SORCS1: variants seen among roughly 807,000 people sequenced by gnomAD.
SORCS1 encodes the protein sortilin related VPS10 domain containing receptor 1.
SORCS1 carries 60 observed loss-of-function variants against 146.1 expected under a neutral mutation model. The observed-to-expected ratio is 0.41, with a 90% CI of 0.33 to 0.51. The LOEUF is 0.51. SORCS1 is among the 20% of genes least tolerant of loss of function. The probability of loss-of-function intolerance (pLI) is 0.21; values close to 1 mark genes in which losing one functional copy is unlikely to be tolerated. For missense variants in SORCS1, 1,352 were observed against 1,487.6 expected (o/e 0.91, Z 1.50); for synonymous variants, 637 against 584.0 (o/e 1.09, Z -1.31).
At chr10:106,686,309 C>T (rs918503084) in intron 10 of SORCS1, among the ~76,000 whole-genome samples, 4 of 152,060 alleles carry the variant, frequency 2.6e-5, no homozygotes, top group African/African-American at 4.8e-5. Flanking sequence ...TCTGACACTG[C>T]GTTGGGGGTG....
chr10:107,046,690 G>A (rs1959486154), intron 1 of SORCS1, among the ~76,000 whole-genome samples: 1 of 152,130 alleles, frequency 6.6e-6, no homozygotes, highest in Non-Finnish European at 1.5e-5. Context: ...TCTGAAAAGA[G>A]GAAGGGCTTT....
At chr10:106,744,228 C>A (rs2136127430) in intron 5 of SORCS1, among the ~76,000 whole-genome samples, 1 of 152,284 alleles carries the variant, frequency 6.6e-6, no homozygotes, top group East Asian at 1.9e-4. Context: ...CCTCAGTCTC[C>A]CAAGTAGCTG....
At chr10:107,072,448 G>C (rs1217447690) in intron 1 of SORCS1, among the ~76,000 whole-genome samples, 2 of 152,112 alleles carry the variant, frequency 1.3e-5, no homozygotes, top group Admixed American at 1.3e-4. Flanking sequence ...CCTGCACTGA[G>C]CACTCCCTAT....
intron 1 of SORCS1, among the ~76,000 whole-genome samples, chr10:107,161,197 G>A (rs914176340): frequency 6.6e-6 from 1 of 152,186 alleles, no homozygotes; most frequent in African/African-American, 2.4e-5. Context: ...TTCCTCACCA[G>A]ATTGACAAGC....
intron 1 of SORCS1, among the ~76,000 whole-genome samples, chr10:107,065,136 G>C (rs1244829459): frequency 6.6e-6 from 1 of 152,198 alleles, no homozygotes; most frequent in Non-Finnish European, 1.5e-5. Context: ...AATTGATTGA[G>C]GGTGGGGGGA....
chr10:106,879,199 G>A (rs552470298), intron 2 of SORCS1, among the ~76,000 whole-genome samples: 1 of 151,360 alleles, frequency 6.6e-6, no homozygotes, highest in African/African-American at 2.4e-5. Flanking sequence ...GCAATGGTGA[G>A]CATGCCGTTT....
intron 1 of SORCS1, among the ~76,000 whole-genome samples, chr10:107,003,428 A>G (rs1202674018): frequency 6.9e-5 from 7 of 101,998 alleles, no homozygotes; most frequent in African/African-American, 1.8e-4. Context: ...AAATTCCCAT[A>G]AGTGTGTGTG....
intron 1 of SORCS1, among the ~76,000 whole-genome samples, chr10:107,034,588 G>A (rs1958804840): frequency 7.1e-6 from 1 of 140,960 alleles, no homozygotes; most frequent in East Asian, 2.2e-4. Flanking sequence ...GCTGAGGCAG[G>A]AGAATTGCTT....
At chr10:106,801,414 T>A (rs557147654) in intron 3 of SORCS1, among the ~76,000 whole-genome samples, 1 of 151,910 alleles carries the variant, frequency 6.6e-6, no homozygotes, top group African/African-American at 2.4e-5. Flanking sequence ...ATCACAGTAA[T>A]AGCAAACATT....
chr10:106,647,016 T>C (rs1458390528), intron 18 of SORCS1, among the ~76,000 whole-genome samples: 4 of 100,616 alleles, frequency 4.0e-5, no homozygotes, highest in Non-Finnish European at 5.8e-5. Context: ...TGTATATATA[T>C]ATATATATAT....
intron 1 of SORCS1, among the ~76,000 whole-genome samples, chr10:106,976,003 C>T (rs1047353221): frequency 6.6e-5 from 10 of 151,784 alleles, no homozygotes; most frequent in African/African-American, 2.2e-4. Context: ...CAAAAATTGG[C>T]GGGCAGTGGT....
intron 1 of SORCS1, among the ~76,000 whole-genome samples, chr10:107,132,269 T>C (rs1394034049): frequency 6.2e-5 from 9 of 145,494 alleles, no homozygotes; most frequent in Admixed American, 6.0e-4. Context: ...GCTTTAGCTA[T>C]GAATAGACAA....
intron 1 of SORCS1, among the ~76,000 whole-genome samples, chr10:107,040,290 G>T (rs1959096210): frequency 6.6e-6 from 1 of 151,986 alleles, no homozygotes; most frequent in African/African-American, 2.4e-5. Context: ...AATTTCTCTG[G>T]GGGCTTATGC....
At position 106,706,538 on chromosome 10, in the gene SORCS1, GC is replaced by G; in HGVS notation, c.1233+6del. On this transcript the variant is annotated splice_donor_region_variant and intron_variant, in intron 8 of 25. Transcript: ENST00000263054. ...GAGTGAAATGAAGAAAGTGATTTAG[GC>G]CATACCTTGGGCAAAGCATATTTCG... 6.2e-7 allele frequency: 1 copy of G among 1,613,542 alleles called. No homozygotes were observed. The highest frequency in any genetic ancestry group is 1.1e-5 in the South Asian group (1 of 91,066).
chr10:106,615,320 C>T (rs562082230), intron 21 of SORCS1, among the ~76,000 whole-genome samples: 4 of 152,206 alleles, frequency 2.6e-5, no homozygotes, highest in Admixed American at 1.3e-4. Context: ...ACTGACTTCC[C>T]TAAGCAGTGA....
At chr10:106,886,176 C>G (rs547387634) in intron 2 of SORCS1, among the ~76,000 whole-genome samples, 2 of 152,206 alleles carry the variant, frequency 1.3e-5, no homozygotes, top group Admixed American at 6.5e-5. Flanking sequence ...GCAGGAGAAG[C>G]ACTTGAACCC....
chr10:106,923,666 G>C (rs151144503), intron 2 of SORCS1, among the ~76,000 whole-genome samples: 73 of 152,302 alleles, frequency 4.8e-4, no homozygotes, highest in African/African-American at 1.5e-3. Context: ...ATCCTAATAA[G>C]TGTTAGTGGC....
intron 2 of SORCS1, among the ~76,000 whole-genome samples, chr10:106,833,578 C>G (rs1948656352): frequency 6.6e-6 from 1 of 152,140 alleles, no homozygotes; most frequent in Non-Finnish European, 1.5e-5. Context: ...GTCTCTCACT[C>G]AGGGGCCTCT....
chr10:106,952,781 G>C (rs1488428901), intron 2 of SORCS1, among the ~76,000 whole-genome samples: 1 of 151,116 alleles, frequency 6.6e-6, no homozygotes, highest in Non-Finnish European at 1.5e-5. Context: ...CTCAAAACCA[G>C]TTTGAGTAAC....
Sources: gnomAD v4.1 joint callset for allele counts (sites outside exome capture counted in the v4.1 genomes callset) on GRCh38, gnomAD v4.1.1 for gene constraint, MANE v1.5 for transcripts, NCBI Gene and HGNC (gene_info 2026-07-23, HGNC 2026-07-21) for gene names.